Variants in GRID2 observed in about 807,000 individuals in gnomAD.
The protein encoded by GRID2 is glutamate ionotropic receptor delta type subunit 2.
A neutral mutation model predicts 114.8 loss-of-function variants in GRID2; 33 were observed. The ratio of observed to expected loss-of-function variants is 0.29; its 90% confidence interval spans 0.22 to 0.38. The LOEUF is 0.38. Ranked by LOEUF, GRID2 falls within the 10% of genes least tolerant of loss-of-function variation. GRID2 has a pLI of 1.00. For synonymous variants in GRID2, 505 were observed against 449.9 expected (o/e 1.12, Z -1.55); for missense variants, 1,184 against 1,257.7 (o/e 0.94, Z 0.89).
chr4:92,713,511 A>AC, intron 2 of GRID2, among the ~76,000 whole-genome samples: 1 of 125,776 alleles, frequency 8.0e-6, no homozygotes, highest in East Asian at 2.2e-4. Context: ...ATATATATAT[A>AC]TATATATTAC....
Position 93,769,270 on chromosome 4 carries a change from G to C in GRID2, c.2421G>C (p.Lys807Asn). ...TCCTGAAGCACAAATGGTGGCCTAAGAATGGCCAGTGTGACCTGTACTCGT... is the reference window on the plus strand; with the variant it reads ...TCCTGAAGCACAAATGGTGGCCTAACAATGGCCAGTGTGACCTGTACTCGT... ...MDILKHKWWP[K>N]NGQCDLYSSV... is the part of the protein sequence containing the mutation. Residue 807 changes from lysine to asparagine, a missense_variant, in exon 15 of 16, where the codon AAG becomes AAC. By Grantham distance (94) the Lys-to-Asn change is moderately conservative (BLOSUM62 0). Around this residue, in one of 3 missense-constraint regions of GRID2, gnomAD observed 717 missense variants for 796.9 expected, o/e 0.90. Coordinates refer to ENST00000282020, the MANE Select transcript of GRID2 (RefSeq NM_001510.4). 6.2e-7 allele frequency: 1 copy of C among 1,613,570 alleles called. No homozygotes were observed. Among genetic ancestry groups the C allele is most frequent in the Non-Finnish European group, 8.5e-7 (1 of 1,179,450 alleles).
intron 13 of GRID2, among the ~76,000 whole-genome samples, chr4:93,599,157 A>T (rs1218342612): frequency 1.3e-5 from 2 of 152,250 alleles, no homozygotes; most frequent in Non-Finnish European, 2.9e-5. Flanking sequence ...GCTGGTGCAC[A>T]GTCCATACCC....
chr4:93,754,462 A>G (rs1732583229), intron 14 of GRID2, among the ~76,000 whole-genome samples: 1 of 152,204 alleles, frequency 6.6e-6, no homozygotes, highest in South Asian at 2.1e-4. Flanking sequence ...TTTGTTATAT[A>G]TGGAATGCCA....
intron 14 of GRID2, among the ~76,000 whole-genome samples, chr4:93,696,264 G>A (rs1029069593): frequency 3.4e-5 from 5 of 148,578 alleles, no homozygotes; most frequent in African/African-American, 4.8e-5. Flanking sequence ...TACTTAGCTG[G>A]CTTCTCTCTC....
intron 2 of GRID2, among the ~76,000 whole-genome samples, chr4:92,659,286 C>G (rs1427124590): frequency 6.6e-6 from 1 of 151,528 alleles, no homozygotes. Flanking sequence ...ACAAACAACA[C>G]TTTACAGTAA....
At chr4:93,687,734 T>C (rs1419309798) in intron 14 of GRID2, among the ~76,000 whole-genome samples, 3 of 151,966 alleles carry the variant, frequency 2.0e-5, no homozygotes, top group African/African-American at 7.2e-5. Context: ...AGGAGAATTG[T>C]AGAAGAGAAA....
At chr4:93,270,236 A>G (rs1751301054) in intron 8 of GRID2, among the ~76,000 whole-genome samples, 1 of 151,142 alleles carries the variant, frequency 6.6e-6, no homozygotes, top group Non-Finnish European at 1.5e-5. Flanking sequence ...ACACACACAC[A>G]CACACACACA....
At chr4:93,590,488 T>G (rs1373892727) in intron 13 of GRID2, among the ~76,000 whole-genome samples, 3 of 150,650 alleles carry the variant, frequency 2.0e-5, no homozygotes, top group Non-Finnish European at 4.5e-5. Flanking sequence ...TCAGGTAGTG[T>G]GATGCCTCCA....
chr4:93,091,035 T>C (rs923971327), intron 3 of GRID2, among the ~76,000 whole-genome samples: 3 of 152,158 alleles, frequency 2.0e-5, no homozygotes, highest in Non-Finnish European at 4.4e-5. Flanking sequence ...TTTTTGTAAA[T>C]AAAATTCCAT....
At chr4:92,340,018 A>G (rs890076947) in intron 1 of GRID2, among the ~76,000 whole-genome samples, 1 of 152,224 alleles carries the variant, frequency 6.6e-6, no homozygotes, top group African/African-American at 2.4e-5. Flanking sequence ...AAACTGGGAA[A>G]AAATATTGTA....
intron 2 of GRID2, among the ~76,000 whole-genome samples, chr4:92,648,917 A>C (rs553331299): frequency 6.9e-6 from 1 of 144,612 alleles, no homozygotes; most frequent in Admixed American, 6.9e-5. Context: ...AATATGATAA[A>C]TATATTTCAT....
chr4:93,712,010 G>T (rs74873077), intron 14 of GRID2, among the ~76,000 whole-genome samples: 8,051 of 151,924 alleles, frequency 0.053, 375 homozygotes, highest in African/African-American at 0.12. Flanking sequence ...CAGTTTTTTT[G>T]TTGTTGTTGT....
At chr4:92,315,993 CAAAAAAAAAAAA>C (rs778361565) in intron 1 of GRID2, among the ~76,000 whole-genome samples, 1 of 61,916 alleles carries the variant, frequency 1.6e-5, no homozygotes, top group African/African-American at 6.1e-5. Flanking sequence ...AAACAAAAAG[CAAAAAAAAAAAA>C]AAAAAAAAAG....
chr4:93,808,753 G>T (rs1735078906), exon 2 of GRID2: 3 of 152,140 alleles, frequency 2.0e-5, no homozygotes. Context: ...CCCATTCTTG[G>T]CCCCAGAGAA....
chr4:92,483,520 T>C (rs1457047010), intron 1 of GRID2, among the ~76,000 whole-genome samples: 1 of 152,094 alleles, frequency 6.6e-6, no homozygotes, highest in Non-Finnish European at 1.5e-5. Flanking sequence ...GGAAAAGCAA[T>C]AAAGCTCTCG....
At chr4:93,602,088 T>C (rs1418150486) in intron 13 of GRID2, among the ~76,000 whole-genome samples, 1 of 152,208 alleles carries the variant, frequency 6.6e-6, no homozygotes, top group Non-Finnish European at 1.5e-5. Context: ...CGAGTGATAT[T>C]GCCAACACCA....
rs28422851 is a variant in GRID2, at chr4:92,698,961, G to A, written c.244+108675G>A. 1.4e-3 allele frequency among the ~76,000 whole-genome samples: 220 copies of A among 151,818 alleles called. 1 individual carries two copies. The highest frequency in any genetic ancestry group is 5.1e-3 in the African/African-American group (213 of 41,406). On this transcript the variant is annotated intron_variant, in intron 2 of 15. Coordinates refer to ENST00000282020, the MANE Select transcript of GRID2 (RefSeq NM_001510.4). Reference sequence around the variant, plus strand: ...ACAACACATATTTTGTGGTTCATTCGGACCCTGATATTTTTTTCTTCTCAA... The same window carrying A: ...ACAACACATATTTTGTGGTTCATTCAGACCCTGATATTTTTTTCTTCTCAA...
intron 2 of GRID2, among the ~76,000 whole-genome samples, chr4:92,897,265 GTCTC>G (rs1210575235): frequency 2.0e-5 from 3 of 152,002 alleles, no homozygotes; most frequent in African/African-American, 2.4e-5. Flanking sequence ...TTCTCCCCAT[GTCTC>G]TCTAAGTTCT....
At chr4:92,729,081 C>T (rs1394363478) in intron 2 of GRID2, among the ~76,000 whole-genome samples, 2 of 151,954 alleles carry the variant, frequency 1.3e-5, no homozygotes, top group East Asian at 3.9e-4. Context: ...ACCATGCTAC[C>T]TCTGGCCTTG....
Sources: allele counts gnomAD v4.1 joint callset (sites outside exome capture counted in the v4.1 genomes callset), GRCh38; gene constraint gnomAD v4.1.1; regional missense constraint gnomAD v4.1.1; transcripts MANE v1.5; gene names NCBI Gene and HGNC (gene_info 2026-07-23, HGNC 2026-07-21).